The following EPB41L2 variants were observed in gnomAD, a reference collection of about 807,000 sequenced individuals.
EPB41L2 encodes band 4.1-like protein 2.
EPB41L2 carries 43 observed loss-of-function variants against 113.0 expected under a neutral mutation model. The ratio of observed to expected loss-of-function variants is 0.38; its 90% confidence interval spans 0.30 to 0.49. EPB41L2 has a LOEUF of 0.49. Ranked by LOEUF, EPB41L2 falls within the 20% of genes least tolerant of loss-of-function variation. The pLI is 0.95. For missense variants in EPB41L2, 1,147 were observed against 1,223.4 expected (o/e 0.94, Z 0.93); for synonymous variants, 442 against 436.7 (o/e 1.01, Z -0.15).
intron 8 of EPB41L2, among the ~76,000 whole-genome samples, chr6:130,896,470 C>T (rs1407687617): frequency 2.0e-5 from 3 of 152,136 alleles, no homozygotes; most frequent in Non-Finnish European, 2.9e-5. Context: ...GAAGATTGCC[C>T]GAGACGGCAT....
intron 1 of EPB41L2, among the ~76,000 whole-genome samples, chr6:131,043,155 G>C (rs754607772): frequency 6.6e-6 from 1 of 152,046 alleles, no homozygotes; most frequent in Non-Finnish European, 1.5e-5. Flanking sequence ...AAAAAAATTA[G>C]CTGGGTGTAG....
rs181640565 is a variant in EPB41L2, at chr6:130,969,197, G to A, written c.-14-12698C>T. Among the ~76,000 whole-genome samples the A allele has an allele frequency of 2.0e-4, 31 of 151,730 alleles. No homozygotes were observed. In the East Asian group the frequency reaches 4.8e-3, roughly 24 times the overall value. On this transcript the variant is annotated intron_variant, in intron 1 of 19. Transcript: ENST00000337057. ...ACACCCACGTTGCAAATAATTTGAAGAGACAATTCTTCCTTGTGACAAAAA... is the reference window on the plus strand; with the variant it reads ...ACACCCACGTTGCAAATAATTTGAAAAGACAATTCTTCCTTGTGACAAAAA...
At chr6:130,951,048 G>A (rs1023931197) in intron 3 of EPB41L2, among the ~76,000 whole-genome samples, 3 of 151,978 alleles carry the variant, frequency 2.0e-5, no homozygotes, top group African/African-American at 7.3e-5. Context: ...AAGATGGTGA[G>A]GAGTTTGAGA....
intron 1 of EPB41L2, among the ~76,000 whole-genome samples, chr6:131,044,020 T>A (rs77178725): frequency 5.9e-4 from 18 of 30,706 alleles, no homozygotes; most frequent in Admixed American, 1.0e-3. Context: ...TAAATAATGC[T>A]TTTTTTTTTT....
chr6:130,877,984 C>G, intron 14 of EPB41L2, 120 bp downstream of exon 14: 1 of 1,027,376 alleles, frequency 9.7e-7, no homozygotes. Context: ...TTAGTAATTA[C>G]ATAAAAATAA....
At chr6:130,938,804 C>T (rs377256139) in intron 3 of EPB41L2, among the ~76,000 whole-genome samples, 7 of 152,136 alleles carry the variant, frequency 4.6e-5, no homozygotes, top group African/African-American at 1.7e-4. Flanking sequence ...GAAGGCAGTA[C>T]AGGTAATTCA....
At chr6:131,055,646 G>GA (rs1487083946) in intron 1 of EPB41L2, among the ~76,000 whole-genome samples, 1 of 152,134 alleles carries the variant, frequency 6.6e-6, no homozygotes, top group African/African-American at 2.4e-5. Context: ...GGAACTCACA[G>GA]AAAAAACAAG....
intron 1 of EPB41L2, among the ~76,000 whole-genome samples, chr6:131,006,838 C>T (rs1288751899): frequency 6.6e-6 from 1 of 151,862 alleles, no homozygotes; most frequent in Non-Finnish European, 1.5e-5. Context: ...TCTATCTTTC[C>T]AGCTCAATCC....
chr6:131,060,131 G>A (rs888233337), intron 1 of EPB41L2, among the ~76,000 whole-genome samples: 1 of 152,234 alleles, frequency 6.6e-6, no homozygotes, highest in African/African-American at 2.4e-5. Context: ...CTTCAGCTGG[G>A]ATTACAGGCG....
intron 1 of EPB41L2, among the ~76,000 whole-genome samples, chr6:131,059,304 C>T (rs913343817): frequency 1.3e-5 from 2 of 152,024 alleles, no homozygotes; most frequent in South Asian, 2.1e-4. Context: ...TTAGTAGAGA[C>T]GGGGTTTCAC....
At chr6:130,863,749 C>T (rs774607147) in intron 17 of EPB41L2, 31 bp from the exon 18 acceptor site, 2 of 1,510,722 alleles carry the variant, frequency 1.3e-6, no homozygotes, top group Non-Finnish European at 1.8e-6. Context: ...GAAGAAAAAA[C>T]AGCAATCACT....
chr6:131,057,033 A>G (rs1443033881), intron 1 of EPB41L2, among the ~76,000 whole-genome samples: 1 of 152,220 alleles, frequency 6.6e-6, no homozygotes, highest in Non-Finnish European at 1.5e-5. Context: ...ATAGGGGAGA[A>G]TAAATGATGA....
chr6:130,876,829 T>G, intron 14 of EPB41L2: 1 of 1,119,694 alleles, frequency 8.9e-7, no homozygotes, highest in Non-Finnish European at 1.2e-6. Context: ...ACATTACACC[T>G]ATAGCAACAC....
At chr6:131,047,163 T>C (rs1440925036) in intron 1 of EPB41L2, among the ~76,000 whole-genome samples, 1 of 151,970 alleles carries the variant, frequency 6.6e-6, no homozygotes, top group Non-Finnish European at 1.5e-5. Context: ...ATTAAATAAA[T>C]AAATAAATGT....
chr6:130,917,624 C>T (rs999888545), intron 4 of EPB41L2, among the ~76,000 whole-genome samples: 10 of 152,154 alleles, frequency 6.6e-5, no homozygotes, highest in African/African-American at 1.9e-4. Flanking sequence ...TTCTCCTTGT[C>T]GTATCTGGAG....
chr6:130,856,817 AT>A, intron 19 of EPB41L2, among the ~76,000 whole-genome samples: 1 of 152,218 alleles, frequency 6.6e-6, no homozygotes, highest in Non-Finnish European at 1.5e-5. Context: ...CTTCATCAAG[AT>A]TTAGTTATCA....
chr6:130,864,432 T>C (rs1282092274), intron 17 of EPB41L2, among the ~76,000 whole-genome samples: 1 of 152,206 alleles, frequency 6.6e-6, no homozygotes, highest in Non-Finnish European at 1.5e-5. Flanking sequence ...GGCGCATGGC[T>C]AGACAAAGGC....
At chr6:130,983,659 G>A (rs1779879568) in intron 1 of EPB41L2, among the ~76,000 whole-genome samples, 1 of 151,762 alleles carries the variant, frequency 6.6e-6, no homozygotes, top group Non-Finnish European at 1.5e-5. Context: ...CTCCCAAGTA[G>A]CTGGGACTAC....
chr6:131,020,197 C>T (rs1789129937), intron 1 of EPB41L2, among the ~76,000 whole-genome samples: 1 of 151,680 alleles, frequency 6.6e-6, no homozygotes, highest in South Asian at 2.1e-4. Flanking sequence ...GGTGATTTGC[C>T]TTCTCCCACC....
Sources: gnomAD v4.1 joint callset for allele counts (sites outside exome capture counted in the v4.1 genomes callset) on GRCh38, gnomAD v4.1.1 for gene constraint, MANE v1.5 for transcripts, NCBI Gene and HGNC (gene_info 2026-07-23, HGNC 2026-07-21) for gene names.